The following BCAS3 variants were observed in gnomAD, a reference collection of about 807,000 sequenced individuals.
The protein encoded by BCAS3 is BCAS3 microtubule associated cell migration factor.
A neutral mutation model predicts 116.1 loss-of-function variants in BCAS3; 53 were observed. That is an observed-to-expected ratio of 0.46 (90% CI 0.37 to 0.57). The LOEUF is 0.57. Among genes scored for constraint, BCAS3 ranks in the 20% least tolerant of loss-of-function variants. BCAS3 has a pLI of 0.00. For synonymous variants in BCAS3, 391 were observed against 408.2 expected (o/e 0.96, Z 0.51); for missense variants, 917 against 1,165.4 (o/e 0.79, Z 3.10).
At chr17:61,096,656 C>G (rs973212192) in intron 22 of BCAS3, among the ~76,000 whole-genome samples, 4 of 152,218 alleles carry the variant, frequency 2.6e-5, no homozygotes, top group African/African-American at 9.6e-5. Context: ...ATCATGTCAT[C>G]TGCAAATAAA....
intron 15 of BCAS3, among the ~76,000 whole-genome samples, chr17:61,003,165 A>G (rs1422591164): frequency 1.4e-5 from 2 of 147,402 alleles, no homozygotes; most frequent in African/African-American, 2.5e-5. Context: ...CTTCTTGTCT[A>G]TTTTCTATCT....
rs1244574090 is a variant in BCAS3 at position 60,993,713 on chromosome 17, G to A, written c.1486+3478G>A. ...AACAATGTAAACCATTGAACAGGGA[G>A]GGATTCATCTTGAAAATGAATCATG... On this transcript the variant is annotated intron_variant, in intron 15 of 23. Transcript: ENST00000407086. The surrounding 1 kb of genome is among the most constrained non-coding windows in gnomAD (Gnocchi z 4.2). Among the ~76,000 whole-genome samples the A allele has an allele frequency of 6.6e-6, 1 of 152,062 alleles. No homozygotes were observed. Among genetic ancestry groups the A allele is most frequent in the South Asian group, 2.1e-4 (1 of 4,822 alleles).
At chr17:60,701,967 C>T (rs1054149735) in intron 4 of BCAS3, among the ~76,000 whole-genome samples, 9 of 152,134 alleles carry the variant, frequency 5.9e-5, no homozygotes, top group Admixed American at 1.3e-4. Flanking sequence ...GAGTGAGACT[C>T]TGTGTCAAAA....
Position 61,181,731 on chromosome 17 carries a change from T to G in BCAS3, c.2425+97167T>G, listed in dbSNP as rs926126112. On this transcript the variant is annotated intron_variant, in intron 22 of 23. Coordinates refer to ENST00000407086, the MANE Select transcript of BCAS3 (RefSeq NM_017679.5). The surrounding 1 kb of genome is among the most constrained non-coding windows in gnomAD (Gnocchi z 5.0). The stretch of plus-strand genomic sequence containing the variant: ...CTCTAAAATCAAAATAAATAGAAGC[T>G]CCACCATGATTTTTTTCATTGTCTG... Among the ~76,000 whole-genome samples the G allele has an allele frequency of 1.3e-5, 2 of 152,164 alleles. No individual in the cohort carries two copies. Among genetic ancestry groups the G allele is most frequent in the African/African-American group, 4.8e-5 (2 of 41,446 alleles).
intron 14 of BCAS3, among the ~76,000 whole-genome samples, chr17:60,988,092 T>G (rs180762159): frequency 3.3e-4 from 50 of 152,218 alleles, no homozygotes; most frequent in Admixed American, 2.6e-3. Context: ...ATTATATGGT[T>G]TTTATCCATT....
At chr17:61,163,833 A>G (rs1448470557) in intron 22 of BCAS3, among the ~76,000 whole-genome samples, 3 of 151,786 alleles carry the variant, frequency 2.0e-5, no homozygotes, top group Non-Finnish European at 4.4e-5. Flanking sequence ...CTAAAAATAC[A>G]AAATTAGCCA....
At chr17:60,731,378 A>G (rs2040437412) in intron 5 of BCAS3, among the ~76,000 whole-genome samples, 1 of 152,116 alleles carries the variant, frequency 6.6e-6, no homozygotes, top group South Asian at 2.1e-4. Context: ...ACGCCCAGCT[A>G]ATTTTTGTAT....
At chr17:61,094,053 G>A (rs937988261) in intron 22 of BCAS3, among the ~76,000 whole-genome samples, 5 of 152,158 alleles carry the variant, frequency 3.3e-5, no homozygotes, top group Admixed American at 2.6e-4. Context: ...ATTTAGTATA[G>A]ATGGTGCAGA....
rs141027421 is a variant in BCAS3, at chr17:61,388,986, A to G, written c.2594-2991A>G. 9.4e-3 allele frequency: 3,828 copies of G among 409,074 alleles called. 139 individuals carry two copies. Among genetic ancestry groups the G allele is most frequent in the African/African-American group, 0.071 (3,498 of 49,314 alleles). The allele number at this position is 409,074 out of a possible 1,614,324, so 25.3% of individuals were successfully genotyped here. On this transcript the variant is annotated intron_variant, in intron 23 of 23. Coordinates refer to ENST00000407086, the MANE Select transcript of BCAS3 (RefSeq NM_017679.5). The surrounding 1 kb of genome is among the most constrained non-coding windows in gnomAD (Gnocchi z 6.5). ...CATTCATTCATTCATTCATTCATTC[A>G]TTCATTCATTCATTCATGCTAGAAA...
chr17:60,966,543 A>G (rs77059091), intron 14 of BCAS3, among the ~76,000 whole-genome samples: 4,334 of 152,246 alleles, frequency 0.028, 213 homozygotes, highest in African/African-American at 0.096. Context: ...CTTATAATAG[A>G]TATAACAAGT....
intron 10 of BCAS3, among the ~76,000 whole-genome samples, chr17:60,895,605 C>T (rs1599511891): frequency 6.6e-6 from 1 of 151,882 alleles, no homozygotes; most frequent in East Asian, 1.9e-4. Flanking sequence ...TTGGTTTATT[C>T]TTTTTTAGCT....
intron 9 of BCAS3, among the ~76,000 whole-genome samples, chr17:60,888,407 A>C (rs1165645795): frequency 6.6e-6 from 1 of 152,154 alleles, no homozygotes; most frequent in Non-Finnish European, 1.5e-5. Flanking sequence ...TTTCATGACG[A>C]ATTTTAAAAG....
intron 5 of BCAS3, among the ~76,000 whole-genome samples, chr17:60,733,610 G>A (rs2040678620): frequency 6.6e-6 from 1 of 152,142 alleles, no homozygotes. Flanking sequence ...AAGAGACTGA[G>A]GTGAGATGAC....
rs1328499649 is a variant in BCAS3, at chr17:61,034,231, T to C, written c.1638-435T>C. Among the ~76,000 whole-genome samples, 2 of 152,252 alleles carry C rather than the reference T, an allele frequency of 1.3e-5. No homozygotes were observed. The highest frequency in any genetic ancestry group is 2.9e-5 in the Non-Finnish European group (2 of 68,032). On this transcript the variant is annotated intron_variant, in intron 16 of 23. Transcript: ENST00000407086. This position sits in a 1 kb window ranked among gnomAD's most constrained non-coding sequence, Gnocchi z 5.0. ...TTTATACTGTTAATCCCACATCTTA[T>C]AGATTGGTGCAAAGGCAGTGGCAAA...
intron 22 of BCAS3, among the ~76,000 whole-genome samples, chr17:61,174,788 A>G (rs768287529): frequency 2.0e-5 from 3 of 152,180 alleles, no homozygotes; most frequent in Admixed American, 1.3e-4. Flanking sequence ...GCTTCCCTAC[A>G]ATGCTCAAAC....
In BCAS3 at chr17:61,344,420, T is replaced by C. The variant is rs2057375041; in HGVS notation, c.2426-23907T>C. On this transcript the variant is annotated intron_variant, in intron 22 of 23. Coordinates refer to ENST00000407086, the MANE Select transcript of BCAS3 (RefSeq NM_017679.5). The surrounding 1 kb of genome is among the most constrained non-coding windows in gnomAD (Gnocchi z 4.1). ...TCTTCCATCTGTGCACTGATGTTAGTGTCCCGTTGTCATTTAAGTCCTTGA... is the reference window on the plus strand; with the variant it reads ...TCTTCCATCTGTGCACTGATGTTAGCGTCCCGTTGTCATTTAAGTCCTTGA... Among the ~76,000 whole-genome samples, 1 of 152,182 alleles carries C rather than the reference T, an allele frequency of 6.6e-6. No individual in the cohort carries two copies. Among genetic ancestry groups the C allele is most frequent in the Non-Finnish European group, 1.5e-5 (1 of 68,038 alleles).
At chr17:61,295,326 C>T (rs1161739044) in intron 22 of BCAS3, among the ~76,000 whole-genome samples, 2 of 152,184 alleles carry the variant, frequency 1.3e-5, no homozygotes, top group Admixed American at 6.5e-5. Flanking sequence ...GCAGGTGATA[C>T]GCAAAGAGGC....
intron 6 of BCAS3, among the ~76,000 whole-genome samples, chr17:60,756,212 C>T (rs1257540794): frequency 6.6e-6 from 1 of 152,186 alleles, no homozygotes; most frequent in Admixed American, 6.5e-5. Flanking sequence ...AGATCCCCTA[C>T]ATGCAGAGTT....
intron 6 of BCAS3, among the ~76,000 whole-genome samples, chr17:60,806,237 G>A (rs1211609776): frequency 6.6e-6 from 1 of 152,104 alleles, no homozygotes; most frequent in Non-Finnish European, 1.5e-5. Context: ...AGGTATCTGG[G>A]AAGATAAGGG....
Sources: gnomAD v4.1 joint callset for allele counts (sites outside exome capture counted in the v4.1 genomes callset) on GRCh38, gnomAD v4.1.1 for gene constraint, Gnocchi (gnomAD v3.1) non-coding constraint, MANE v1.5 for transcripts, NCBI Gene and HGNC (gene_info 2026-07-23, HGNC 2026-07-21) for gene names.